Variants in RALGAPA2 observed in about 807,000 individuals in gnomAD.
RALGAPA2 encodes ral GTPase-activating protein subunit alpha-2.
RALGAPA2 carries 139 observed loss-of-function variants against 230.4 expected under a neutral mutation model. The observed-to-expected ratio is 0.60, with a 90% CI of 0.53 to 0.69. RALGAPA2 has a LOEUF of 0.69. Ranked by LOEUF, RALGAPA2 falls within the 30% of genes least tolerant of loss-of-function variation. The pLI, the probability that RALGAPA2 is intolerant of heterozygous loss-of-function variation, is 0.00. For synonymous variants in RALGAPA2, 847 were observed against 837.8 expected (o/e 1.01, Z -0.19); for missense variants, 2,163 against 2,276.0 (o/e 0.95, Z 1.01).
chr20:20,585,260 G>A (rs913295887), intron 18 of RALGAPA2, among the ~76,000 whole-genome samples: 1 of 152,128 alleles, frequency 6.6e-6, no homozygotes, highest in African/African-American at 2.4e-5. Context: ...TTGTTCTTCT[G>A]GTCAGGCACA....
At chr20:20,669,427 C>T (rs2068062502) in intron 3 of RALGAPA2, among the ~76,000 whole-genome samples, 3 of 152,194 alleles carry the variant, frequency 2.0e-5, no homozygotes, top group East Asian at 3.9e-4. Flanking sequence ...TGGCTCAGAG[C>T]ATGTTTCTGA....
intron 4 of RALGAPA2, among the ~76,000 whole-genome samples, chr20:20,651,691 A>G (rs1330366777): frequency 6.6e-6 from 1 of 152,242 alleles, no homozygotes; most frequent in Non-Finnish European, 1.5e-5. Flanking sequence ...TTTCACACAT[A>G]GTCCTAATAA....
chr20:20,498,985 T>C (rs981598180), intron 35 of RALGAPA2, among the ~76,000 whole-genome samples: 1 of 152,192 alleles, frequency 6.6e-6, no homozygotes, highest in African/African-American at 2.4e-5. Context: ...GAGTTCAGTA[T>C]GGGGTTGCAA....
At chr20:20,427,406 G>A (rs1245594880) in intron 37 of RALGAPA2, among the ~76,000 whole-genome samples, 7 of 151,868 alleles carry the variant, frequency 4.6e-5, no homozygotes, top group South Asian at 2.1e-4. Context: ...TTCTGCTTGC[G>A]GGGTGGGAGC....
chr20:20,440,190 TAGAG>T (rs2060706747), intron 37 of RALGAPA2, among the ~76,000 whole-genome samples: 1 of 152,110 alleles, frequency 6.6e-6, no homozygotes, highest in Non-Finnish European at 1.5e-5. Flanking sequence ...TAAAGGAAGA[TAGAG>T]AAAGCAAAAT....
At chr20:20,542,569 C>A (rs981638554) in intron 24 of RALGAPA2, among the ~76,000 whole-genome samples, 2 of 152,016 alleles carry the variant, frequency 1.3e-5, no homozygotes, top group Non-Finnish European at 2.9e-5. Context: ...GACACATAGA[C>A]CAATGGAACA....
At chr20:20,470,606 A>G (rs2061518081) in intron 37 of RALGAPA2, among the ~76,000 whole-genome samples, 1 of 152,182 alleles carries the variant, frequency 6.6e-6, no homozygotes, top group Non-Finnish European at 1.5e-5. Context: ...GGGGCTGGCT[A>G]TATAACCTGA....
At position 20,458,490 on chromosome 20, in the gene RALGAPA2, T is replaced by A. The variant is rs528561102; in HGVS notation, c.5495+14339A>T. On this transcript the variant is annotated intron_variant, in intron 37 of 39. Transcript: ENST00000202677. ...ATATAATATATAATATATATGTATT[T>A]TATATATATTATATATAATATATAT... is the stretch of plus-strand genomic sequence containing the variant. Among the ~76,000 whole-genome samples, 1,025 of 134,858 alleles carry A rather than the reference T, an allele frequency of 7.6e-3. 19 individuals are homozygous for A. The highest frequency in any genetic ancestry group is 9.8e-3 in the South Asian group (44 of 4,482). 88.5% of individuals were successfully genotyped at this position (134,858 alleles called of 152,430 possible).
intron 37 of RALGAPA2, among the ~76,000 whole-genome samples, chr20:20,460,326 A>T (rs1460118913): frequency 6.6e-6 from 1 of 152,236 alleles, no homozygotes; most frequent in East Asian, 1.9e-4. Context: ...AAACTGACAG[A>T]GGTAAAGTAT....
intron 23 of RALGAPA2, among the ~76,000 whole-genome samples, chr20:20,565,651 C>A (rs2064393532): frequency 6.6e-6 from 1 of 151,954 alleles, no homozygotes; most frequent in African/African-American, 2.4e-5. Flanking sequence ...TTTTTTTTAA[C>A]ATTGATGTGA....
In RALGAPA2 at chr20:20,589,329, G is replaced by A. The variant is rs1375021230; in HGVS notation, c.2378C>T (p.Ser793Leu). 1.3e-6 allele frequency: 2 copies of A among 1,592,056 alleles called. No homozygotes were observed. The highest frequency in any genetic ancestry group is 1.3e-5 in the African/African-American group (1 of 74,684). ...KAENTQNSSS[S>L]EPQPIQENKG... Reference sequence around the variant, plus strand: ...ATTCTCTTGAATAGGCTGAGGCTCTGAAGAACTCGAATTCTGTGTGTTTTC... The same window carrying A: ...ATTCTCTTGAATAGGCTGAGGCTCTAAAGAACTCGAATTCTGTGTGTTTTC... The change falls in exon 18 of 40, where the codon TCA (serine) becomes TTA (leucine). Residue 793 changes from serine (S) to leucine (L), a missense_variant. Coordinates refer to ENST00000202677, the MANE Select transcript of RALGAPA2 (RefSeq NM_020343.4).
At chr20:20,630,770 G>A (rs2066646183) in intron 9 of RALGAPA2, among the ~76,000 whole-genome samples, 1 of 152,046 alleles carries the variant, frequency 6.6e-6, no homozygotes, top group Non-Finnish European at 1.5e-5. Flanking sequence ...TAACTGTAAG[G>A]CAACCCACGC....
intron 23 of RALGAPA2, among the ~76,000 whole-genome samples, chr20:20,548,207 AT>A (rs1328896226): frequency 6.6e-6 from 1 of 152,170 alleles, no homozygotes; most frequent in South Asian, 2.1e-4. Context: ...ATCCTTAAAA[AT>A]AATCCTGATT....
intron 37 of RALGAPA2, among the ~76,000 whole-genome samples, chr20:20,424,060 G>A (rs949538345): frequency 3.3e-5 from 5 of 152,154 alleles, no homozygotes; most frequent in South Asian, 2.1e-4. Context: ...ATGTCCTTCC[G>A]GCATAGGGAG....
At chr20:20,466,114 G>A (rs1434091790) in intron 37 of RALGAPA2, among the ~76,000 whole-genome samples, 1 of 152,354 alleles carries the variant, frequency 6.6e-6, no homozygotes, top group East Asian at 1.9e-4. Flanking sequence ...CAGCACTGGG[G>A]AGACACCAGG....
chr20:20,396,815 A>G, intron 38 of RALGAPA2, 81 bp from the exon 39 acceptor site: 1 of 1,198,590 alleles, frequency 8.3e-7, no homozygotes. Flanking sequence ...CACAGTGCTA[A>G]TAATACATTT....
rs2059570361 is a variant in RALGAPA2, at chr20:20,389,567, A to G, written c.*3722T>C. The G allele has an allele frequency of 1.3e-5, 2 of 152,252 alleles. No homozygotes were observed. Among genetic ancestry groups the G allele is most frequent in the East Asian group, 3.8e-4 (2 of 5,202 alleles). 9.4% of individuals were successfully genotyped at this position (152,252 alleles called of 1,614,324 possible). ...GAAAGCCACCTTTTTATTAGATGCC[A>G]GGGTGAACTTTATTTTCTTATAAAC... On this transcript the variant is annotated 3_prime_UTR_variant, in exon 40 of 40. Transcript: ENST00000202677.
intron 37 of RALGAPA2, among the ~76,000 whole-genome samples, chr20:20,465,136 C>A (rs2061387120): frequency 6.9e-6 from 1 of 145,896 alleles, no homozygotes; most frequent in African/African-American, 2.6e-5. Flanking sequence ...TTCTTCCCTC[C>A]CCCCGCAGGC....
At chr20:20,662,399 A>G (rs1214407523) in intron 3 of RALGAPA2, among the ~76,000 whole-genome samples, 1 of 152,214 alleles carries the variant, frequency 6.6e-6, no homozygotes, top group Non-Finnish European at 1.5e-5. Context: ...TGTGATTCGC[A>G]TATAACAAAA....
Sources: gnomAD v4.1 joint callset for allele counts (sites outside exome capture counted in the v4.1 genomes callset) on GRCh38, gnomAD v4.1.1 for gene constraint, MANE v1.5 for transcripts, NCBI Gene and HGNC (gene_info 2026-07-23, HGNC 2026-07-21) for gene names.